The following VAV3 variants were observed in gnomAD, a reference collection of about 807,000 sequenced individuals.
VAV3 encodes the protein guanine nucleotide exchange factor VAV3.
VAV3 carries 94 observed loss-of-function variants against 131.2 expected under a neutral mutation model. That is an observed-to-expected ratio of 0.72 (90% CI 0.61 to 0.85). The LOEUF (loss-of-function observed/expected upper bound fraction) is 0.85, where lower values mean the gene tolerates loss of function less well. Ranked by LOEUF, VAV3 falls within the 40% of genes least tolerant of loss-of-function variation. The pLI is 0.00. For missense variants in VAV3, 939 were observed against 1,002.7 expected (o/e 0.94, Z 0.86); for synonymous variants, 349 against 342.0 (o/e 1.02, Z -0.22).
At chr1:107,795,016 G>A (rs1001599855) in intron 2 of VAV3, among the ~76,000 whole-genome samples, 1 of 152,150 alleles carries the variant, frequency 6.6e-6, no homozygotes, top group Admixed American at 6.5e-5. Context: ...GCACCTAGAA[G>A]AATGGATATA....
chr1:107,575,815 G>A (rs573423693), intron 25 of VAV3, among the ~76,000 whole-genome samples: 7 of 151,926 alleles, frequency 4.6e-5, no homozygotes, highest in South Asian at 2.1e-4. Flanking sequence ...TTTAAAAATC[G>A]GTCAGAAAAC....
intron 2 of VAV3, among the ~76,000 whole-genome samples, chr1:107,803,220 T>C (rs12748320): frequency 0.15 from 22,454 of 151,986 alleles, 1,793 homozygotes; most frequent in African/African-American, 0.18. Flanking sequence ...ATTTGGGCCT[T>C]CTCTCTTTTT....
intron 17 of VAV3, among the ~76,000 whole-genome samples, chr1:107,702,525 G>A (rs1318701997): frequency 6.6e-6 from 1 of 152,158 alleles, no homozygotes; most frequent in Non-Finnish European, 1.5e-5. Flanking sequence ...AGATTTTACT[G>A]CCATAGACAA....
intron 2 of VAV3, among the ~76,000 whole-genome samples, chr1:107,831,823 A>C (rs1468376730): frequency 2.0e-5 from 3 of 152,232 alleles, no homozygotes; most frequent in Non-Finnish European, 4.4e-5. Flanking sequence ...ATTCTCATGT[A>C]ACCATAGTAA....
chr1:107,584,062 T>C lies in VAV3; in HGVS notation c.2351-9864A>G, dbSNP rs576231181. Among the ~76,000 whole-genome samples, 4 of 152,188 alleles carry C rather than the reference T, an allele frequency of 2.6e-5. No homozygotes were observed. The East Asian group carries it at 5.8e-4, about 22-fold the overall frequency. On this transcript the variant is annotated intron_variant, in intron 25 of 26. Transcript: ENST00000370056. ...TGGTACTGGTACCAAAACAGAGATA[T>C]AGATCAAAGGAACAGAACAGAGCCC...
At chr1:107,791,417 G>A (rs192940412) in intron 2 of VAV3, among the ~76,000 whole-genome samples, 1 of 151,472 alleles carries the variant, frequency 6.6e-6, no homozygotes, top group Non-Finnish European at 1.5e-5. Context: ...AATAGTTCAG[G>A]TGATAGAGTA....
chr1:107,675,681 C>A (rs577550891), intron 19 of VAV3, among the ~76,000 whole-genome samples: 1 of 152,222 alleles, frequency 6.6e-6, no homozygotes, highest in South Asian at 2.1e-4. Flanking sequence ...AGGATGGCAC[C>A]TTTCTTCAAT....
At chr1:107,644,907 C>T (rs1655616206) in intron 19 of VAV3, among the ~76,000 whole-genome samples, 1 of 149,640 alleles carries the variant, frequency 6.7e-6, no homozygotes, top group African/African-American at 2.4e-5. Flanking sequence ...AGGGTACATA[C>T]TAGTGTATAC....
At chr1:107,885,655 T>C (rs913614652) in intron 1 of VAV3, among the ~76,000 whole-genome samples, 13 of 152,102 alleles carry the variant, frequency 8.5e-5, no homozygotes, top group African/African-American at 3.1e-4. Context: ...CCTTGACTTG[T>C]AACAGTACTT....
Position 107,688,366 on chromosome 1 carries a change from A to C in VAV3, c.1731+15T>G, listed in dbSNP as rs765323436. On this transcript the variant is annotated intron_variant, in intron 18 of 26. Coordinates refer to ENST00000370056, the MANE Select transcript of VAV3 (RefSeq NM_006113.5). Reference sequence around the variant, plus strand: ...ATGCAAAGGTTATAAAAAATATTTAAAATGTTAATCTTACCTCTGGTAGTT... The same window carrying C: ...ATGCAAAGGTTATAAAAAATATTTACAATGTTAATCTTACCTCTGGTAGTT... 8.7e-6 allele frequency: 14 copies of C among 1,611,472 alleles called. No individual in the cohort carries two copies. The highest frequency in any genetic ancestry group is 6.7e-5 in the Admixed American group (4 of 59,768).
chr1:107,904,871 C>G (rs1013026791), intron 1 of VAV3, among the ~76,000 whole-genome samples: 2 of 152,032 alleles, frequency 1.3e-5, no homozygotes, highest in Non-Finnish European at 2.9e-5. Context: ...AATGCTATAG[C>G]ATGGTTATAT....
intron 24 of VAV3, among the ~76,000 whole-genome samples, chr1:107,597,327 G>C (rs1651478386): frequency 6.6e-6 from 1 of 151,460 alleles, no homozygotes; most frequent in Admixed American, 6.6e-5. Flanking sequence ...AAGTTCCCCA[G>C]ACAAATCAAT....
chr1:107,964,824 C>T lies in VAV3; in HGVS notation c.46G>A (p.Val16Met), dbSNP rs756797270. The T allele has an allele frequency of 1.2e-5, 20 of 1,613,662 alleles. No individual in the cohort carries two copies. In the East Asian group the frequency reaches 1.3e-4, roughly 11 times the overall value. Residue 16 changes from valine (V) to methionine (M), a missense_variant, in exon 1 of 27, where the codon GTG (valine) becomes ATG (methionine). Coordinates refer to ENST00000370056, the MANE Select transcript of VAV3 (RefSeq NM_006113.5). ...QCAQWLIHCK[V>M]LPTNHRVTWD... ...GTCACCCGGTGGTTGGTGGGCAGCA[C>T]CTTGCAATGGATGAGCCACTGCGCG...
chr1:107,837,135 T>C (rs1276792039), intron 2 of VAV3, among the ~76,000 whole-genome samples: 2 of 151,788 alleles, frequency 1.3e-5, no homozygotes, highest in Non-Finnish European at 2.9e-5. Flanking sequence ...AACTTCAAGC[T>C]GATATCCCTG....
intron 9 of VAV3, among the ~76,000 whole-genome samples, chr1:107,764,075 G>A (rs1664591653): frequency 1.4e-5 from 2 of 138,218 alleles, no homozygotes; most frequent in African/African-American, 5.4e-5. Context: ...TCCTCTTCAG[G>A]AAAAAAAAAA....
chr1:107,577,128 T>C (rs1354043416), intron 25 of VAV3, among the ~76,000 whole-genome samples: 1 of 152,260 alleles, frequency 6.6e-6, no homozygotes. Context: ...ATCACATTTA[T>C]CAAATGGTTT....
Position 107,719,714 on chromosome 1 carries a change from T to C in VAV3, c.1503-14653A>G, listed in dbSNP as rs553302239. Among the ~76,000 whole-genome samples the C allele has an allele frequency of 2.1e-3, 327 of 152,316 alleles. 1 individual carries two copies. Among genetic ancestry groups the C allele is most frequent in the African/African-American group, 7.5e-3 (310 of 41,570 alleles). ...CCCAGCAATCCCACTACTGGGTATATACCCAAAGGATTATAAATCATGCTA... is the reference window on the plus strand; with the variant it reads ...CCCAGCAATCCCACTACTGGGTATACACCCAAAGGATTATAAATCATGCTA... On this transcript the variant is annotated intron_variant, in intron 15 of 26. Transcript: ENST00000370056.
chr1:107,615,631 C>A (rs1653096138), intron 21 of VAV3, among the ~76,000 whole-genome samples: 1 of 152,002 alleles, frequency 6.6e-6, no homozygotes, highest in African/African-American at 2.4e-5. Context: ...TTCTGCACAG[C>A]AAAAGAAACT....
intron 1 of VAV3, among the ~76,000 whole-genome samples, chr1:107,959,421 CCCA>C (rs749353843): frequency 5.9e-5 from 9 of 152,104 alleles, no homozygotes; most frequent in Non-Finnish European, 7.4e-5. Flanking sequence ...CAGGTGTTTG[CCCA>C]CCACATCACC....
Sources: gnomAD v4.1 joint callset for allele counts (sites outside exome capture counted in the v4.1 genomes callset) on GRCh38, gnomAD v4.1.1 for gene constraint, MANE v1.5 for transcripts, NCBI Gene and HGNC (gene_info 2026-07-23, HGNC 2026-07-21) for gene names.